Variants in STAG2 observed in about 807,000 individuals in gnomAD.
The protein encoded by STAG2 is cohesin subunit SA-2.
STAG2 carries 14 observed loss-of-function variants against 108.1 expected under a neutral mutation model. The ratio of observed to expected loss-of-function variants is 0.13; its 90% CI spans 0.09 to 0.20. The LOEUF is 0.20. STAG2 is among the 10% of genes least tolerant of loss of function. The pLI is 1.00. For missense variants in STAG2, 440 were observed against 940.9 expected (o/e 0.47, Z 6.96); for synonymous variants, 307 against 302.7 (o/e 1.01, Z -0.15).
At position 124,013,326 on chromosome X, in the gene STAG2, C is replaced by A. The variant is rs748433204; in HGVS notation, c.-162-8041C>A. Among the ~76,000 whole-genome samples, 12 of 70,104 alleles carry A rather than the reference C, an allele frequency of 1.7e-4. No homozygotes were observed. In the East Asian group the frequency reaches 3.5e-3, roughly 20 times the overall value. 60.9% of individuals were successfully genotyped at this position (70,104 alleles called of 115,157 possible). A position where few individuals can be genotyped will look rare whatever the true frequency, so the allele number is the denominator to read the frequency against. ...ACACATGCACACACACACACACAAACACACACACACACACACACACACGCA... is the reference window on the plus strand; with the variant it reads ...ACACATGCACACACACACACACAAAAACACACACACACACACACACACGCA... On this transcript the variant is annotated intron_variant, in intron 1 of 34. Transcript: ENST00000371145.
rs184541358 is a variant in STAG2 at position 124,014,652 on chromosome X, C to G, written c.-162-6715C>G. On this transcript the variant is annotated intron_variant, in intron 1 of 34. Transcript: ENST00000371145. The stretch of plus-strand genomic sequence containing the variant: ...CTGGGATTACAGGCCTGAGCTACTG[C>G]ACCCGGCCTGTCCTTTATATTATTT... Among the ~76,000 whole-genome samples the G allele has an allele frequency of 6.2e-3, 691 of 111,435 alleles. 3 individuals carry two copies. The highest frequency in any genetic ancestry group is 9.1e-3 in the Non-Finnish European group (483 of 53,019).
At chrX:124,017,369 C>G (rs1227770726) in intron 1 of STAG2, among the ~76,000 whole-genome samples, 1 of 109,895 alleles carries the variant, frequency 9.1e-6, no homozygotes, top group Non-Finnish European at 1.9e-5. Context: ...ACCACTGTGC[C>G]CAGCTAATTT....
intron 1 of STAG2, among the ~76,000 whole-genome samples, chrX:123,991,671 T>TC (rs2055474383): frequency 9.3e-6 from 1 of 107,914 alleles, no homozygotes; most frequent in African/African-American, 3.4e-5. Flanking sequence ...ATTTTCTTTT[T>TC]TTTTTTTTTT....
chrX:124,046,273 A>G (rs1251017677), intron 8 of STAG2, among the ~76,000 whole-genome samples: 2 of 112,329 alleles, frequency 1.8e-5, no homozygotes, highest in Admixed American at 1.9e-4. Context: ...ATATGCTTCT[A>G]CGTCCTTCAT....
intron 1 of STAG2, among the ~76,000 whole-genome samples, chrX:124,006,676 T>G (rs1450550406): frequency 9.0e-6 from 1 of 111,048 alleles, no homozygotes; most frequent in African/African-American, 3.3e-5. Context: ...CCTGACCTTG[T>G]GATCCGCCCA....
At chrX:124,065,747 G>C (rs1282357224) in intron 20 of STAG2, 129 bp from the exon 21 acceptor site, 2 of 401,239 alleles carry the variant, frequency 5.0e-6, no homozygotes, top group East Asian at 4.6e-5. Flanking sequence ...GCCAGATCTA[G>C]GTATTGAATG....
chrX:124,026,860 C>A (rs2057119483), intron 4 of STAG2, among the ~76,000 whole-genome samples: 1 of 111,691 alleles, frequency 9.0e-6, no homozygotes, highest in Non-Finnish European at 1.9e-5. Flanking sequence ...GTAAAACTCT[C>A]TTTTATTTTT....
At chrX:124,061,669 T>C in intron 16 of STAG2, 102 bp from the exon 17 acceptor site, 3 of 628,600 alleles carry the variant, frequency 4.8e-6, no homozygotes, top group Non-Finnish European at 7.0e-6. Flanking sequence ...AGATTCTGTT[T>C]ACAGGCAGAA....
At chrX:123,996,705 G>C (rs1385211667) in intron 1 of STAG2, among the ~76,000 whole-genome samples, 7 of 111,837 alleles carry the variant, frequency 6.3e-5, no homozygotes, top group Non-Finnish European at 1.1e-4. Context: ...AGATTCATCC[G>C]GGGTGTTGTG....
chrX:124,024,802 A>C (rs1383465430), intron 3 of STAG2, among the ~76,000 whole-genome samples: 1 of 111,833 alleles, frequency 8.9e-6, no homozygotes, highest in Non-Finnish European at 1.9e-5. Flanking sequence ...GATTCCATTT[A>C]TTTTAAGCAG....
At chrX:124,007,379 C>T (rs1010849823) in intron 1 of STAG2, among the ~76,000 whole-genome samples, 2 of 111,323 alleles carry the variant, frequency 1.8e-5, no homozygotes, top group African/African-American at 6.5e-5. Context: ...GTGTTGTGTT[C>T]TGACCTCACT....
intron 1 of STAG2, among the ~76,000 whole-genome samples, chrX:123,977,593 A>G (rs2054678882): frequency 9.0e-6 from 1 of 111,577 alleles, no homozygotes; most frequent in African/African-American, 3.3e-5. Context: ...AATAGAAGTG[A>G]TTTCAAAAAT....
chrX:123,970,915 C>T (rs998817355), intron 1 of STAG2, among the ~76,000 whole-genome samples: 7 of 111,372 alleles, frequency 6.3e-5, no homozygotes, highest in Non-Finnish European at 9.4e-5. Context: ...TACTTTTGAA[C>T]GTGAAAGGGA....
At chrX:124,014,109 T>G (rs1226172172) in intron 1 of STAG2, among the ~76,000 whole-genome samples, 1 of 111,466 alleles carries the variant, frequency 9.0e-6, no homozygotes, top group Non-Finnish European at 1.9e-5. Flanking sequence ...GGAATATTGC[T>G]GTGCACCTAC....
At chrX:123,998,958 A>T (rs1233412067) in intron 1 of STAG2, among the ~76,000 whole-genome samples, 1 of 110,658 alleles carries the variant, frequency 9.0e-6, no homozygotes, top group African/African-American at 3.3e-5. Flanking sequence ...TGAAAAAAAA[A>T]AATTAGCCAA....
At chrX:124,032,817 T>C (rs1276094983) in intron 5 of STAG2, among the ~76,000 whole-genome samples, 4 of 112,560 alleles carry the variant, frequency 3.6e-5, no homozygotes, top group Non-Finnish European at 5.6e-5. Flanking sequence ...GAAATAACTT[T>C]AATCAGTGAT....
chrX:124,070,891 T>G (rs1454147953), intron 24 of STAG2, among the ~76,000 whole-genome samples: 2 of 111,330 alleles, frequency 1.8e-5, no homozygotes, highest in Non-Finnish European at 3.8e-5. Flanking sequence ...TCACTTAATG[T>G]TGCTGAAAAT....
chrX:124,067,225 TGA>T (rs2058554797), intron 23 of STAG2, among the ~76,000 whole-genome samples: 1 of 111,101 alleles, frequency 9.0e-6, no homozygotes, highest in Non-Finnish European at 1.9e-5. Flanking sequence ...TTTTTCCTCT[TGA>T]AAAATCAATA....
chrX:124,019,912 C>T (rs766650982), intron 1 of STAG2, among the ~76,000 whole-genome samples: 6 of 112,227 alleles, frequency 5.3e-5, no homozygotes, highest in East Asian at 5.6e-4. Context: ...CACTCCAGTG[C>T]GGGTGACAGA....
Sources: gnomAD v4.1 joint callset for allele counts (sites outside exome capture counted in the v4.1 genomes callset) on GRCh38, gnomAD v4.1.1 for gene constraint, MANE v1.5 for transcripts, NCBI Gene and HGNC (gene_info 2026-07-23, HGNC 2026-07-21) for gene names.